ITSN2: variants seen among roughly 807,000 people sequenced by gnomAD.
ITSN2 encodes intersectin-2.
Under a neutral mutation model 243.7 loss-of-function variants are expected in ITSN2, and 156 were observed. That is an observed-to-expected ratio of 0.64 (90% CI 0.56 to 0.73). The LOEUF is 0.73. ITSN2 is among the 30% of genes least tolerant of loss of function. The pLI, the probability that ITSN2 is intolerant of heterozygous loss-of-function variation, is 0.00. For synonymous variants in ITSN2, 703 were observed against 699.9 expected (o/e 1.00, Z -0.07); for missense variants, 1,801 against 1,996.1 (o/e 0.90, Z 1.86).
At chr2:24,277,974 C>T (rs926552320) in intron 17 of ITSN2, among the ~76,000 whole-genome samples, 8 of 152,138 alleles carry the variant, frequency 5.3e-5, no homozygotes, top group Admixed American at 2.0e-4. Context: ...TGTTATGATA[C>T]GTGCCTCACA....
At chr2:24,247,273 C>CT (rs1325569424) in intron 27 of ITSN2, among the ~76,000 whole-genome samples, 13 of 152,228 alleles carry the variant, frequency 8.5e-5, no homozygotes, top group African/African-American at 3.1e-4. Flanking sequence ...TGGCAATACT[C>CT]TGTGTGTATT....
At chr2:24,247,444 G>A (rs894117014) in intron 27 of ITSN2, among the ~76,000 whole-genome samples, 3 of 152,176 alleles carry the variant, frequency 2.0e-5, no homozygotes, top group African/African-American at 7.2e-5. Context: ...ACTGCAACAT[G>A]AGTGTAATAG....
intron 20 of ITSN2, among the ~76,000 whole-genome samples, chr2:24,264,388 C>CA (rs567618875): frequency 0.061 from 7,664 of 124,772 alleles, 205 homozygotes; most frequent in South Asian, 0.14. Context: ...AACTCTGTCT[C>CA]AAAAAAAAAA....
At chr2:24,223,368 T>C (rs1670662172) in intron 29 of ITSN2, among the ~76,000 whole-genome samples, 1 of 151,924 alleles carries the variant, frequency 6.6e-6, no homozygotes, top group Non-Finnish European at 1.5e-5. Context: ...AATAAATGAA[T>C]AAGGCAGGTT....
At chr2:24,305,377 G>GGGA (rs2151699117) in intron 8 of ITSN2, among the ~76,000 whole-genome samples, 1 of 152,114 alleles carries the variant, frequency 6.6e-6, no homozygotes, top group South Asian at 2.1e-4. Flanking sequence ...CAAGGCGGGC[G>GGGA]GATCACCTGA....
At chr2:24,262,457 G>C (rs1320911591) in intron 20 of ITSN2, among the ~76,000 whole-genome samples, 2 of 151,946 alleles carry the variant, frequency 1.3e-5, no homozygotes, top group Non-Finnish European at 2.9e-5. Context: ...TTTTCCAACT[G>C]GTAAACATGT....
chr2:24,334,606 C>T, intron 1 of ITSN2: 1 of 1,101,622 alleles, frequency 9.1e-7, no homozygotes, highest in South Asian at 1.2e-5. Context: ...GGCAAGAATT[C>T]TCTGTATGCC....
intron 29 of ITSN2, among the ~76,000 whole-genome samples, chr2:24,226,081 G>C (rs1671001738): frequency 6.6e-6 from 1 of 152,126 alleles, no homozygotes; most frequent in Non-Finnish European, 1.5e-5. Flanking sequence ...GGTGTCAGTG[G>C]CTCTGACTGC....
intron 3 of ITSN2, among the ~76,000 whole-genome samples, chr2:24,314,726 G>A (rs1683702494): frequency 6.6e-6 from 1 of 151,982 alleles, no homozygotes; most frequent in African/African-American, 2.4e-5. Context: ...TGCAAAACAA[G>A]GGCTAGCATC....
chr2:24,254,727 C>A (rs1230170699), intron 23 of ITSN2, among the ~76,000 whole-genome samples: 1 of 152,010 alleles, frequency 6.6e-6, no homozygotes, highest in Non-Finnish European at 1.5e-5. Flanking sequence ...AAGACACCCA[C>A]AAATTGTTAA....
rs1675259015 is a variant in ITSN2, at chr2:24,257,812, C to T, written c.2888+76G>A. The T allele has an allele frequency of 3.6e-6, 4 of 1,126,248 alleles. No homozygotes were observed. In the Admixed American group the frequency reaches 5.2e-5, roughly 15 times the overall value. The allele number at this position is 1,126,248 out of a possible 1,614,324, so 69.8% of individuals were successfully genotyped here. A position where few individuals can be genotyped will look rare whatever the true frequency, so the allele number is the denominator to read the frequency against. ...TATAAAATTGTTATTTTATTATACACTCAATCAGACCATGGCTGACTCATT... is the reference window on the plus strand; with the variant it reads ...TATAAAATTGTTATTTTATTATACATTCAATCAGACCATGGCTGACTCATT... On this transcript the variant is annotated intron_variant, in intron 23 of 39. Coordinates refer to ENST00000355123, the MANE Select transcript of ITSN2 (RefSeq NM_006277.3).
intron 20 of ITSN2, 75 bp from the exon 21 acceptor site, chr2:24,261,817 G>C: frequency 2.8e-6 from 3 of 1,086,336 alleles, no homozygotes; most frequent in Non-Finnish European, 4.0e-6. Flanking sequence ...GAAAACTATT[G>C]TATAGTATTC....
At chr2:24,337,676 C>T (rs1411822222) in intron 1 of ITSN2, among the ~76,000 whole-genome samples, 4 of 125,616 alleles carry the variant, frequency 3.2e-5, no homozygotes, top group Non-Finnish European at 6.5e-5. Context: ...TTTCTAGAGA[C>T]ATGGTCTTGC....
At chr2:24,330,471 A>C (rs1685656656) in intron 1 of ITSN2, 3 of 660,802 alleles carry the variant, frequency 4.5e-6, no homozygotes, top group Non-Finnish European at 8.6e-6. Flanking sequence ...ACCACAGAGA[A>C]GACCCATGAG....
chr2:24,205,921 G>C (rs1668814079), intron 37 of ITSN2, among the ~76,000 whole-genome samples: 1 of 152,172 alleles, frequency 6.6e-6, no homozygotes, highest in South Asian at 2.1e-4. Flanking sequence ...GAAAGGACTG[G>C]AGTGTGATCC....
chr2:24,309,405 C>T (rs567771394), intron 7 of ITSN2, among the ~76,000 whole-genome samples: 44 of 152,190 alleles, frequency 2.9e-4, no homozygotes, highest in African/African-American at 9.4e-4. Flanking sequence ...CACCATGTTG[C>T]CCCAGGCTGG....
intron 32 of ITSN2, chr2:24,214,298 G>T (rs1454272365): frequency 6.6e-6 from 1 of 152,158 alleles, no homozygotes; most frequent in Non-Finnish European, 1.5e-5. Flanking sequence ...TTTATAGAAT[G>T]AATTAGGTGA....
chr2:24,332,309 T>A (rs149323826), intron 1 of ITSN2, among the ~76,000 whole-genome samples: 4 of 152,178 alleles, frequency 2.6e-5, no homozygotes, highest in Non-Finnish European at 4.4e-5. Flanking sequence ...AATACCATGA[T>A]TGTTTACGGA....
In ITSN2 at chr2:24,210,031, T is replaced by A; in HGVS notation, c.4260A>T (p.Gln1420His). The A allele has an allele frequency of 6.2e-7, 1 of 1,611,578 alleles. No homozygotes were observed. The highest frequency in any genetic ancestry group is 8.5e-7 in the Non-Finnish European group (1 of 1,178,004). Residue 1420 changes from glutamine (Q) to histidine (H), a missense_variant and splice_region_variant, in exon 35 of 40, where the codon CAA becomes CAT. Physicochemically the swap from Gln to His is conservative, Grantham distance 24 (BLOSUM62 0). Transcript: ENST00000355123. ...AHVQCEGLAEQLIFNSLTNCL... is the reference protein window; with the variant it reads ...AHVQCEGLAEHLIFNSLTNCL... The stretch of plus-strand genomic sequence containing the variant: ...AGTTGGTGAGAGAGTTGAAAATAAG[T>A]TGCTTAAAGAGAAAGAAAATTTCAC...
Sources: allele counts gnomAD v4.1 joint callset (sites outside exome capture counted in the v4.1 genomes callset), GRCh38; gene constraint gnomAD v4.1.1; transcripts MANE v1.5; gene names NCBI Gene and HGNC (gene_info 2026-07-23, HGNC 2026-07-21).